Variants in FBXL2 observed in about 807,000 individuals in gnomAD.
FBXL2 encodes F-box/LRR-repeat protein 2.
A neutral mutation model predicts 69.2 loss-of-function variants in FBXL2; 38 were observed. That is an observed-to-expected ratio of 0.55 (90% CI 0.42 to 0.72). The LOEUF (loss-of-function observed/expected upper bound fraction) is 0.72. Ranked by LOEUF, FBXL2 falls within the 30% of genes least tolerant of loss-of-function variation. The probability of loss-of-function intolerance (pLI) is 0.00; values close to 1 mark genes in which losing one functional copy is unlikely to be tolerated. For missense variants in FBXL2, 354 were observed against 520.3 expected, an observed-to-expected ratio of 0.68 and a Z score of 3.11; for synonymous variants, 192 against 201.3, an observed-to-expected ratio of 0.95 and a Z score of 0.39.
At chr3:33,400,156 C>A in intron 12 of FBXL2, 1 of 1,366,728 alleles carries the variant, frequency 7.3e-7, no homozygotes, top group South Asian at 1.6e-5. Flanking sequence ...ACAAAACATT[C>A]TCATGCACAG....
At chr3:33,332,557 T>G (rs1294524360) in intron 2 of FBXL2, among the ~76,000 whole-genome samples, 1 of 152,230 alleles carries the variant, frequency 6.6e-6, no homozygotes, top group Non-Finnish European at 1.5e-5. Context: ...ATGAACTAAT[T>G]GTGGTATAGT....
downstream of FBXL2, chr3:33,390,406 C>G (rs2043712276): frequency 6.2e-7 from 1 of 1,613,042 alleles, no homozygotes; most frequent in South Asian, 1.1e-5. Context: ...TTCAGTCAGG[C>G]TTAGGAAATT....
At chr3:33,401,341 AAGTT>A (rs1000719105) in intron 12 of FBXL2, among the ~76,000 whole-genome samples, 7 of 152,346 alleles carry the variant, frequency 4.6e-5, no homozygotes, top group South Asian at 2.1e-4. Flanking sequence ...TAATTTTTAA[AAGTT>A]AGGGGAAAAA....
intron 2 of FBXL2, chr3:33,298,019 G>C (rs952207589): frequency 5.2e-6 from 2 of 383,280 alleles, no homozygotes; most frequent in Non-Finnish European, 9.8e-6. Context: ...GTAGATAATC[G>C]TGATGAAGTC....
chr3:33,365,105 T>C (rs867018726), intron 5 of FBXL2, among the ~76,000 whole-genome samples: 9 of 152,330 alleles, frequency 5.9e-5, no homozygotes, highest in Middle Eastern at 3.4e-3. Context: ...GCTACCTTTA[T>C]ATATAAATTT....
Position 33,316,107 on chromosome 3 carries a change from G to T in FBXL2, c.65+18382G>T, listed in dbSNP as rs187334419. Among the ~76,000 whole-genome samples the T allele has an allele frequency of 6.2e-3, 931 of 150,512 alleles. 9 individuals are homozygous for T. Among genetic ancestry groups the T allele is most frequent in the South Asian group, 0.024 (113 of 4,748 alleles). On this transcript the variant is annotated intron_variant, in intron 2 of 14. Transcript: ENST00000484457. ...AGGGTCTTACTCTATTGCCCAGGCT[G>T]GAGTGTAGTGACGTGATCTCAGCTC...
chr3:33,373,727 G>A (rs757422229), intron 8 of FBXL2, 23 bp downstream of exon 8: 25 of 1,614,050 alleles, frequency 1.5e-5, no homozygotes, highest in Non-Finnish European at 2.1e-5. Flanking sequence ...TGATACAGCT[G>A]TTTGTGTTAT....
chr3:33,407,492 G>C (rs1444392780), downstream of FBXL2, among the ~76,000 whole-genome samples: 1 of 151,756 alleles, frequency 6.6e-6, no homozygotes, highest in East Asian at 1.9e-4. Context: ...TGCTGGGGCG[G>C]GTGTTTTAGG....
chr3:33,306,993 G>A (rs1287826536), intron 2 of FBXL2, among the ~76,000 whole-genome samples: 1 of 152,074 alleles, frequency 6.6e-6, no homozygotes, highest in Non-Finnish European at 1.5e-5. Flanking sequence ...TGGGGGAAAT[G>A]CTTGATTCTA....
At chr3:33,299,136 G>A (rs978303743) in intron 2 of FBXL2, among the ~76,000 whole-genome samples, 1 of 151,902 alleles carries the variant, frequency 6.6e-6, no homozygotes, top group Non-Finnish European at 1.5e-5. Context: ...CCGCCTCCCA[G>A]GTTCAAGCGA....
intron 5 of FBXL2, chr3:33,372,637 A>G (rs974824241): frequency 5.3e-6 from 1 of 189,014 alleles, no homozygotes; most frequent in Non-Finnish European, 1.1e-5. Context: ...GACGTCTTCT[A>G]TCAATCGCCA....
intron 2 of FBXL2, among the ~76,000 whole-genome samples, chr3:33,330,485 T>C (rs1475745952): frequency 1.3e-5 from 2 of 152,146 alleles, no homozygotes; most frequent in Non-Finnish European, 2.9e-5. Context: ...TAAAAATAAC[T>C]GGAAGAAAAT....
intron 12 of FBXL2, chr3:33,402,952 T>A (rs775594197): frequency 6.8e-7 from 1 of 1,476,244 alleles, no homozygotes; most frequent in South Asian, 1.2e-5. Context: ...TTAAAATATG[T>A]GGAAGAAATA....
At chr3:33,407,173 A>C (rs1020206027), downstream of FBXL2, among the ~76,000 whole-genome samples, 2 of 152,238 alleles carry the variant, frequency 1.3e-5, no homozygotes, top group African/African-American at 4.8e-5. Context: ...GAACAAAATC[A>C]AATACAGCCA....
chr3:33,411,174 A>G, the FBXL2 span, among the ~76,000 whole-genome samples: 1 of 152,150 alleles, frequency 6.6e-6, no homozygotes, highest in Non-Finnish European at 1.5e-5. Flanking sequence ...ATTAGTCATC[A>G]TTATTATCCT....
At chr3:33,300,601 A>G (rs1374962280) in intron 2 of FBXL2, 1 of 152,034 alleles carries the variant, frequency 6.6e-6, no homozygotes, top group Non-Finnish European at 1.5e-5. Flanking sequence ...CTAGCCAACC[A>G]TGTATTTTAA....
intron 12 of FBXL2, chr3:33,393,467 A>C: frequency 1.9e-6 from 3 of 1,593,234 alleles, no homozygotes. Context: ...GAAATTAAAA[A>C]AAAAAAAAGA....
At chr3:33,380,956 AAG>A (rs1559641840) in intron 13 of FBXL2, among the ~76,000 whole-genome samples, 1 of 152,146 alleles carries the variant, frequency 6.6e-6, no homozygotes, top group Non-Finnish European at 1.5e-5. Context: ...CATCTGTAAA[AAG>A]GGAATAATGA....
intron 5 of FBXL2, 136 bp from the exon 6 acceptor site, chr3:33,372,956 G>A: frequency 1.3e-6 from 1 of 766,016 alleles, no homozygotes; most frequent in Non-Finnish European, 2.3e-6. Context: ...TCTGCACTGT[G>A]ACAAGAACCC....
Sources: allele counts gnomAD v4.1 joint callset (sites outside exome capture counted in the v4.1 genomes callset), GRCh38; gene constraint gnomAD v4.1.1; transcripts MANE v1.5; gene names NCBI Gene and HGNC (gene_info 2026-07-23, HGNC 2026-07-21).